APMAP: variants seen among roughly 807,000 people sequenced by gnomAD.
APMAP encodes the protein adipocyte plasma membrane-associated protein.
APMAP carries 33 observed loss-of-function variants against 43.6 expected under a neutral mutation model. The ratio of observed to expected loss-of-function variants is 0.76; its 90% confidence interval spans 0.57 to 1.01. APMAP has a LOEUF of 1.01. APMAP is among the 50% of genes least tolerant of loss of function. The pLI, the probability that APMAP is intolerant of heterozygous loss-of-function variation, is 0.00. For missense variants in APMAP, 498 were observed against 540.7 expected, an observed-to-expected ratio of 0.92 and a Z score of 0.78; for synonymous variants, 224 against 216.7, an observed-to-expected ratio of 1.03 and a Z score of -0.30.
intron 3 of APMAP, 143 bp downstream of exon 3, chr20:24,978,624 C>T (rs2088071208): frequency 3.1e-6 from 2 of 650,126 alleles, no homozygotes; most frequent in East Asian, 5.7e-5. Context: ...TGTCTGAGGG[C>T]CAAGTCCCAC....
rs562494439 is a variant in APMAP at position 24,965,264 on chromosome 20, T to C, written c.1042-1242A>G. Among the ~76,000 whole-genome samples the C allele has an allele frequency of 2.6e-5, 4 of 152,372 alleles. No homozygotes were observed. The East Asian group carries it at 7.7e-4, about 29-fold the overall frequency. ...TCTTGCCATCTGTTGTGTGTGTCCCTGGCCTGGGCCCTGCCCTGCCGCCTC... is the reference window on the plus strand; with the variant it reads ...TCTTGCCATCTGTTGTGTGTGTCCCCGGCCTGGGCCCTGCCCTGCCGCCTC... On this transcript the variant is annotated intron_variant, in intron 8 of 8. Coordinates refer to ENST00000217456, the MANE Select transcript of APMAP (RefSeq NM_020531.3).
chr20:24,973,239 A>C (rs578136634), intron 4 of APMAP, among the ~76,000 whole-genome samples: 2 of 152,364 alleles, frequency 1.3e-5, no homozygotes, highest in Admixed American at 6.5e-5. Flanking sequence ...TACAGGGCTG[A>C]AATTCCTGAG....
At chr20:24,982,120 G>T (rs956335777) in intron 2 of APMAP, among the ~76,000 whole-genome samples, 1 of 151,766 alleles carries the variant, frequency 6.6e-6, no homozygotes, top group African/African-American at 2.4e-5. Context: ...AATGCCATAA[G>T]CTGAGCCCAG....
intron 3 of APMAP, among the ~76,000 whole-genome samples, chr20:24,975,821 T>C (rs947275570): frequency 3.3e-5 from 5 of 152,164 alleles, no homozygotes; most frequent in Non-Finnish European, 5.9e-5. Context: ...AGCAAAAGAA[T>C]AGAAAAATAA....
chr20:24,979,077 T>C (rs1163941905), intron 2 of APMAP, among the ~76,000 whole-genome samples, 195 bp from the exon 3 acceptor site: 3 of 151,174 alleles, frequency 2.0e-5, no homozygotes, highest in South Asian at 2.1e-4. Flanking sequence ...AATATAAAAA[T>C]ATAAATGTGC....
At position 24,970,308 on chromosome 20, in the gene APMAP, T is replaced by C. The variant is rs1356382796; in HGVS notation, c.602A>G (p.Asn201Ser). The C allele has an allele frequency of 6.2e-7, 1 of 1,613,954 alleles. No individual in the cohort carries two copies. The highest frequency in any genetic ancestry group is 8.5e-7 in the Non-Finnish European group (1 of 1,179,962). ...CCCATCCTGAGTGACTGTAAGATCATTCACAAAGGACATGTTCTTCCCCTC... is the reference window on the plus strand; with the variant it reads ...CCCATCCTGAGTGACTGTAAGATCACTCACAAAGGACATGTTCTTCCCCTC... ...PIEGKNMSFV[N>S]DLTVTQDGRK... Residue 201 changes from asparagine to serine, a missense_variant, in exon 6 of 9, where the codon AAT (asparagine) becomes AGT (serine). Physicochemically the swap from Asn to Ser is conservative, Grantham distance 46. Coordinates refer to ENST00000217456, the MANE Select transcript of APMAP (RefSeq NM_020531.3).
intron 4 of APMAP, 141 bp downstream of exon 4, chr20:24,973,504 G>C: frequency 1.3e-6 from 1 of 754,046 alleles, no homozygotes; most frequent in Non-Finnish European, 2.1e-6. Flanking sequence ...AGAGCTCGTA[G>C]TGACGTCATG....
At chr20:24,972,342 G>A (rs2088011746) in intron 4 of APMAP, among the ~76,000 whole-genome samples, 1 of 147,188 alleles carries the variant, frequency 6.8e-6, no homozygotes, top group South Asian at 2.2e-4. Flanking sequence ...ACTGTGGGGT[G>A]CTCACTGCAG....
At position 24,968,913 on chromosome 20, in the gene APMAP, C is replaced by T. The variant is rs1362330242; in HGVS notation, c.1020G>A (p.Trp340Ter). 1 of 1,600,112 alleles carries T rather than the reference C, an allele frequency of 6.2e-7. No homozygotes were observed. The highest frequency in any genetic ancestry group is 1.8e-5 in the Admixed American group (1 of 56,248). Residue 340 changes from tryptophan to a stop codon, truncating the protein, a stop_gained, in exon 8 of 9, where the codon TGG (tryptophan) becomes TGA (stop). Coordinates refer to ENST00000217456, the MANE Select transcript of APMAP (RefSeq NM_020531.3). LOFTEE classifies it high-confidence loss of function. ...SMLDFLSERPWIKRMIFKLFS... is the reference protein window; with the variant it reads ...SMLDFLSERP Reference sequence around the variant, plus strand: ...TTACCTTAAAAATCATCCTTTTAATCCAGGGTCTCTCAGATAAGAAATCCA... The same window carrying T: ...TTACCTTAAAAATCATCCTTTTAATTCAGGGTCTCTCAGATAAGAAATCCA...
intron 3 of APMAP, 36 bp from the exon 4 acceptor site, chr20:24,973,773 T>C (rs769837448): frequency 6.3e-7 from 1 of 1,591,886 alleles, no homozygotes; most frequent in East Asian, 2.2e-5. Context: ...AGAGCAATGT[T>C]AGCCTAAGAA....
intron 7 of APMAP, 148 bp from the exon 8 acceptor site, chr20:24,969,232 G>A (rs2087975849): frequency 2.1e-6 from 2 of 960,674 alleles, no homozygotes; most frequent in East Asian, 5.4e-5. Context: ...CTGCTGAGAA[G>A]AAACCTTTGT....
At chr20:24,979,042 T>C (rs542812480) in intron 2 of APMAP, among the ~76,000 whole-genome samples, 160 bp from the exon 3 acceptor site, 40 of 151,268 alleles carry the variant, frequency 2.6e-4, no homozygotes, top group Non-Finnish European at 5.1e-4. Flanking sequence ...TTCTAGGATA[T>C]CAGAAAACAT....
chr20:24,972,567 AAGGTGCTCACTAC>A (rs2088014641), intron 4 of APMAP, among the ~76,000 whole-genome samples: 1 of 121,984 alleles, frequency 8.2e-6, no homozygotes, highest in Admixed American at 8.2e-5. Context: ...GTCCTCACTG[AAGGTGCTCACTAC>A]AGGTGCTTAT....
intron 1 of APMAP, among the ~76,000 whole-genome samples, chr20:24,986,904 A>G (rs1402184132): frequency 6.6e-6 from 1 of 152,216 alleles, no homozygotes; most frequent in Non-Finnish European, 1.5e-5. Flanking sequence ...GAGCCCTCAG[A>G]GCGGGAGTTT....
intron 1 of APMAP, among the ~76,000 whole-genome samples, chr20:24,991,405 C>T (rs914104833): frequency 1.3e-5 from 2 of 152,298 alleles, no homozygotes; most frequent in East Asian, 1.9e-4. Context: ...AACCCCAGTC[C>T]AGGGCAACGC....
chr20:24,986,867 G>C lies in APMAP; in HGVS notation c.96-2848C>G, dbSNP rs1056223212. ...GAAGCGCTGCCTGCCAAGAGCAAGA[G>C]GAGGGAGTGGAGGATGCCCAGACCT... On this transcript the variant is annotated intron_variant, in intron 1 of 8. Transcript: ENST00000217456. 2.6e-5 allele frequency among the ~76,000 whole-genome samples: 4 copies of C among 152,226 alleles called. No homozygotes were observed. The South Asian group carries it at 8.3e-4, about 31-fold the overall frequency.
rs1016446450 is a variant in APMAP, at chr20:24,963,426, G to A, written c.*387C>T. Reference sequence around the variant, plus strand: ...TATAGTAAAGAAGAACTTTGAGGCCGCAGGACAGGGCCGCAGCAGCAAGCT... The same window carrying A: ...TATAGTAAAGAAGAACTTTGAGGCCACAGGACAGGGCCGCAGCAGCAAGCT... On this transcript the variant is annotated 3_prime_UTR_variant, in exon 9 of 9. Transcript: ENST00000217456. The A allele has an allele frequency of 4.1e-5, 9 of 221,278 alleles. No homozygotes were observed. Among genetic ancestry groups the A allele is most frequent in the Admixed American group, 1.6e-4 (3 of 19,036 alleles). 13.7% of individuals were successfully genotyped at this position (221,278 alleles called of 1,614,324 possible). A position where few individuals can be genotyped will look rare whatever the true frequency, so the allele number is the denominator to read the frequency against.
chr20:24,969,515 C>A lies in APMAP; in HGVS notation c.848+11G>T. 1 of 1,603,412 alleles carries A rather than the reference C, an allele frequency of 6.2e-7. No homozygotes were observed. Among genetic ancestry groups the A allele is most frequent in the South Asian group, 1.1e-5 (1 of 90,594 alleles). On this transcript the variant is annotated intron_variant, in intron 7 of 8. Transcript: ENST00000217456. ...GCCAGTAACTGATGGCTCAGCTAATCCCACACACACCTTCGTATCCTGGCC... is the reference window on the plus strand; with the variant it reads ...GCCAGTAACTGATGGCTCAGCTAATACCACACACACCTTCGTATCCTGGCC...
chr20:24,969,585 C>T lies in APMAP; in HGVS notation c.789G>A (p.Gln263=), dbSNP rs1380054785. 1.1e-5 allele frequency: 18 copies of T among 1,613,994 alleles called. No individual in the cohort carries two copies. Among genetic ancestry groups the T allele is most frequent in the Non-Finnish European group, 1.5e-5 (18 of 1,179,968 alleles). Residue 263 remains glutamine (Q), a synonymous_variant, in exon 7 of 9, where the codon CAG becomes CAA. Coordinates refer to ENST00000217456, the MANE Select transcript of APMAP (RefSeq NM_020531.3). ...GGACAAAGTCTTCTGCAGGAGACAG[C>T]TGGACTCCATTCGGGAACCGCAGCT... ...LDQLRFPNGV[Q]LSPAEDFVLV...
Sources: gnomAD v4.1 joint callset for allele counts (sites outside exome capture counted in the v4.1 genomes callset) on GRCh38, gnomAD v4.1.1 for gene constraint, MANE v1.5 for transcripts, NCBI Gene and HGNC (gene_info 2026-07-23, HGNC 2026-07-21) for gene names.